Variants in CLSTN2 observed in about 807,000 individuals in gnomAD.
CLSTN2 encodes calsyntenin 2, also known as calsyntenin-2.
CLSTN2 carries 48 observed loss-of-function variants against 101.2 expected under a neutral mutation model. That is an observed-to-expected ratio of 0.47 (90% CI 0.38 to 0.60). The LOEUF (loss-of-function observed/expected upper bound fraction) is 0.60, where lower values mean the gene tolerates loss of function less well. CLSTN2 is among the 20% of genes least tolerant of loss of function. The probability of loss-of-function intolerance (pLI) is 0.00; values close to 1 mark genes in which losing one functional copy is unlikely to be tolerated. For synonymous variants in CLSTN2, 481 were observed against 463.6 expected, an observed-to-expected ratio of 1.04 and a Z score of -0.48; for missense variants, 1,160 against 1,238.2, an observed-to-expected ratio of 0.94 and a Z score of 0.95.
chr3:140,333,219 C>T (rs1268931380), intron 2 of CLSTN2, among the ~76,000 whole-genome samples: 1 of 152,230 alleles, frequency 6.6e-6, no homozygotes, highest in East Asian at 1.9e-4. Flanking sequence ...CCACCTCCTT[C>T]ATCTCTCTGC....
At chr3:140,248,103 T>C (rs898123899) in intron 2 of CLSTN2, among the ~76,000 whole-genome samples, 10 of 152,220 alleles carry the variant, frequency 6.6e-5, no homozygotes, top group African/African-American at 2.4e-4. Flanking sequence ...GTATGTGTGA[T>C]GGGATCTTCA....
At chr3:140,158,565 C>T (rs1346170315) in intron 1 of CLSTN2, among the ~76,000 whole-genome samples, 1 of 152,140 alleles carries the variant, frequency 6.6e-6, no homozygotes, top group Non-Finnish European at 1.5e-5. Flanking sequence ...AATGCAAAAA[C>T]ATTCCATGCT....
At chr3:140,259,244 C>T (rs758130931) in intron 2 of CLSTN2, among the ~76,000 whole-genome samples, 9 of 151,106 alleles carry the variant, frequency 6.0e-5, no homozygotes, top group African/African-American at 1.7e-4. Flanking sequence ...GAGGCCAAGG[C>T]GGGTGGATCA....
At chr3:139,993,391 G>A (rs924430054) in intron 1 of CLSTN2, among the ~76,000 whole-genome samples, 1 of 152,076 alleles carries the variant, frequency 6.6e-6, no homozygotes, top group Non-Finnish European at 1.5e-5. Flanking sequence ...CCTGTCCTGG[G>A]GATACTGGGT....
chr3:140,419,510 T>TAC (rs1338282245), intron 4 of CLSTN2, among the ~76,000 whole-genome samples: 1 of 66,228 alleles, frequency 1.5e-5, no homozygotes, highest in African/African-American at 1.7e-4. Context: ...TATATATATA[T>TAC]ATACACACAC....
chr3:140,298,312 A>C (rs9870337), intron 2 of CLSTN2, among the ~76,000 whole-genome samples: 36,188 of 152,074 alleles, frequency 0.24, 4,532 homozygotes, highest in East Asian at 0.42. Flanking sequence ...TTCATTTACT[A>C]ATGTAAATAT....
intron 1 of CLSTN2, among the ~76,000 whole-genome samples, chr3:140,155,167 G>A (rs943517166): frequency 6.6e-6 from 1 of 152,190 alleles, no homozygotes; most frequent in Non-Finnish European, 1.5e-5. Flanking sequence ...AGGGATTGCC[G>A]ATGATTAGAG....
intron 8 of CLSTN2, among the ~76,000 whole-genome samples, chr3:140,513,014 C>T (rs989562525): frequency 6.6e-6 from 1 of 152,186 alleles, no homozygotes; most frequent in South Asian, 2.1e-4. Context: ...TGCTTTTCAA[C>T]TAAGACGATG....
chr3:140,544,515 T>A (rs1489150522), intron 9 of CLSTN2, among the ~76,000 whole-genome samples: 2 of 152,148 alleles, frequency 1.3e-5, no homozygotes, highest in Non-Finnish European at 2.9e-5. Flanking sequence ...TAAGTTAGAA[T>A]CCCTGGGGAT....
intron 2 of CLSTN2, among the ~76,000 whole-genome samples, chr3:140,355,675 A>G (rs2087662848): frequency 6.6e-6 from 1 of 152,214 alleles, no homozygotes; most frequent in Non-Finnish European, 1.5e-5. Flanking sequence ...GGTGCCAAGC[A>G]TGGGGAAGTG....
intron 5 of CLSTN2, among the ~76,000 whole-genome samples, chr3:140,425,124 GA>G (rs772307396): frequency 7.2e-5 from 11 of 152,186 alleles, no homozygotes; most frequent in Non-Finnish European, 1.3e-4. Flanking sequence ...AGCAGGAGGG[GA>G]TTGCAGCACA....
chr3:140,170,886 T>C (rs955495188), intron 1 of CLSTN2, among the ~76,000 whole-genome samples: 2 of 152,106 alleles, frequency 1.3e-5, no homozygotes, highest in Non-Finnish European at 2.9e-5. Context: ...AGGATTCACA[T>C]AGGACCAGGC....
chr3:140,112,366 TG>T (rs781105063), intron 1 of CLSTN2, among the ~76,000 whole-genome samples: 50 of 72,402 alleles, frequency 6.9e-4, no homozygotes, highest in East Asian at 6.9e-3. Flanking sequence ...TGTGTGTGTG[TG>T]TGTTTTTTAC....
intron 2 of CLSTN2, among the ~76,000 whole-genome samples, chr3:140,393,553 T>A (rs1338610576): frequency 1.3e-5 from 2 of 152,218 alleles, no homozygotes; most frequent in Non-Finnish European, 2.9e-5. Context: ...TACAGAGATG[T>A]TGTTGACAGA....
chr3:140,435,990 A>C (rs2088684034), intron 5 of CLSTN2, among the ~76,000 whole-genome samples: 2 of 152,202 alleles, frequency 1.3e-5, no homozygotes, highest in Admixed American at 1.3e-4. Flanking sequence ...TCAGAGGGGT[A>C]GTTGGCATAG....
intron 1 of CLSTN2, among the ~76,000 whole-genome samples, chr3:140,099,239 C>A (rs1262684694): frequency 6.6e-6 from 1 of 152,158 alleles, no homozygotes; most frequent in Non-Finnish European, 1.5e-5. Flanking sequence ...TGGCTTAAAA[C>A]AACAGAAATT....
intron 9 of CLSTN2, among the ~76,000 whole-genome samples, chr3:140,533,666 G>A (rs923223319): frequency 5.5e-5 from 8 of 145,248 alleles, no homozygotes; most frequent in Non-Finnish European, 1.0e-4. Flanking sequence ...AGCCGAGATC[G>A]CGCCACTGCA....
At chr3:140,534,417 AG>A (rs1935320373) in intron 9 of CLSTN2, among the ~76,000 whole-genome samples, 1 of 152,228 alleles carries the variant, frequency 6.6e-6, no homozygotes, top group Non-Finnish European at 1.5e-5. Context: ...CCTACTGCCC[AG>A]AGTGGGGAAG....
chr3:140,351,422 T>A (rs915772964), intron 2 of CLSTN2, among the ~76,000 whole-genome samples: 3 of 152,226 alleles, frequency 2.0e-5, no homozygotes, highest in African/African-American at 7.2e-5. Context: ...TTTCCCCTTG[T>A]CAGTTTTCTA....
Sources: allele counts gnomAD v4.1 joint callset (sites outside exome capture counted in the v4.1 genomes callset), GRCh38; gene constraint gnomAD v4.1.1; transcripts MANE v1.5; gene names NCBI Gene and HGNC (gene_info 2026-07-23, HGNC 2026-07-21).